Variants in RALGAPA2 observed in about 807,000 individuals in gnomAD.
RALGAPA2 encodes ral GTPase-activating protein subunit alpha-2.
Under a neutral mutation model 230.4 loss-of-function variants are expected in RALGAPA2, and 139 were observed. The observed-to-expected ratio is 0.60, with a 90% CI of 0.53 to 0.69. The LOEUF is 0.69. RALGAPA2 is among the 30% of genes least tolerant of loss of function. The pLI is 0.00. For missense variants in RALGAPA2, 2,163 were observed against 2,276.0 expected (o/e 0.95, Z 1.01); for synonymous variants, 847 against 837.8 (o/e 1.01, Z -0.19).
chr20:20,446,959 G>A (rs2060878736), intron 37 of RALGAPA2, among the ~76,000 whole-genome samples: 1 of 152,234 alleles, frequency 6.6e-6, no homozygotes, highest in Non-Finnish European at 1.5e-5. Flanking sequence ...CATTTGTCAT[G>A]AAGTCAAACC....
At position 20,389,783 on chromosome 20, in the gene RALGAPA2, A is replaced by C. The variant is rs780751035; in HGVS notation, c.*3506T>G. 1 of 152,090 alleles carries C rather than the reference A, an allele frequency of 6.6e-6. No individual in the cohort carries two copies. Among genetic ancestry groups the C allele is most frequent in the Non-Finnish European group, 1.5e-5 (1 of 68,002 alleles). 9.4% of individuals were successfully genotyped at this position (152,090 alleles called of 1,614,324 possible). On this transcript the variant is annotated 3_prime_UTR_variant, in exon 40 of 40. Coordinates refer to ENST00000202677, the MANE Select transcript of RALGAPA2 (RefSeq NM_020343.4). ...TGTGTCCTGGTGCACACACGTCTGCAAGGTGTTCCCACCACCTAGGAAGGA... is the reference window on the plus strand; with the variant it reads ...TGTGTCCTGGTGCACACACGTCTGCCAGGTGTTCCCACCACCTAGGAAGGA...
intron 38 of RALGAPA2, among the ~76,000 whole-genome samples, chr20:20,401,375 C>G (rs578021430): frequency 1.3e-5 from 2 of 152,266 alleles, no homozygotes; most frequent in South Asian, 4.1e-4. Flanking sequence ...CCACCAGCAC[C>G]TCTCCTGCTG....
intron 37 of RALGAPA2, among the ~76,000 whole-genome samples, chr20:20,431,356 G>T (rs6046857): frequency 2.0e-4 from 30 of 152,104 alleles, no homozygotes; most frequent in Middle Eastern, 6.8e-3. Context: ...GAGGCTGGAG[G>T]GGGGAGAAGG....
intron 13 of RALGAPA2, among the ~76,000 whole-genome samples, chr20:20,614,026 T>G (rs1403738494): frequency 6.6e-6 from 1 of 152,200 alleles, no homozygotes; most frequent in Non-Finnish European, 1.5e-5. Context: ...GCCACTATAT[T>G]CTCACAGTAG....
intron 34 of RALGAPA2, among the ~76,000 whole-genome samples, chr20:20,503,905 G>A (rs188142571): frequency 1.4e-3 from 217 of 152,262 alleles, no homozygotes; most frequent in Middle Eastern, 3.4e-3. Context: ...AAGATGTTGG[G>A]TCAAAAGGTA....
intron 1 of RALGAPA2, among the ~76,000 whole-genome samples, chr20:20,696,301 G>A (rs1190524560): frequency 1.3e-5 from 2 of 151,940 alleles, no homozygotes; most frequent in African/African-American, 2.4e-5. Flanking sequence ...CTCTTCTCTT[G>A]TCTGCCTCCA....
At chr20:20,631,313 T>C (rs1176467826) in intron 9 of RALGAPA2, among the ~76,000 whole-genome samples, 1 of 152,256 alleles carries the variant, frequency 6.6e-6, no homozygotes. Flanking sequence ...GTGGGCTGAA[T>C]AATGACTTCC....
intron 16 of RALGAPA2, among the ~76,000 whole-genome samples, chr20:20,596,391 T>G (rs1268731578): frequency 6.6e-6 from 1 of 152,200 alleles, no homozygotes; most frequent in East Asian, 1.9e-4. Context: ...TAGCAATCAT[T>G]GATAGGGTAA....
intron 4 of RALGAPA2, among the ~76,000 whole-genome samples, chr20:20,651,652 A>G (rs762007118): frequency 5.9e-5 from 9 of 152,258 alleles, no homozygotes; most frequent in Non-Finnish European, 1.3e-4. Context: ...TACTAGACAC[A>G]TAGTTTCACA....
intron 37 of RALGAPA2, among the ~76,000 whole-genome samples, chr20:20,448,104 T>A (rs1388047972): frequency 6.6e-6 from 1 of 152,192 alleles, no homozygotes. Flanking sequence ...CCTCCCCAGT[T>A]TGGATGGGGG....
At chr20:20,505,360 C>T in intron 34 of RALGAPA2, 51 bp downstream of exon 34, 1 of 1,497,918 alleles carries the variant, frequency 6.7e-7, no homozygotes, top group South Asian at 1.4e-5. Flanking sequence ...AGTTTGGACA[C>T]ATCTTTAAAC....
At chr20:20,546,033 G>C (rs1033920781) in intron 24 of RALGAPA2, among the ~76,000 whole-genome samples, 6 of 152,218 alleles carry the variant, frequency 3.9e-5, no homozygotes, top group African/African-American at 1.4e-4. Context: ...CAGCACCAGT[G>C]CGCTTCAGCC....
chr20:20,496,744 A>T (rs1390989917), intron 35 of RALGAPA2, among the ~76,000 whole-genome samples: 1 of 152,240 alleles, frequency 6.6e-6, no homozygotes, highest in African/African-American at 2.4e-5. Context: ...TTGACCACAA[A>T]AAGAAAATCT....
chr20:20,704,128 C>T (rs1415034761), intron 1 of RALGAPA2, among the ~76,000 whole-genome samples: 1 of 152,076 alleles, frequency 6.6e-6, no homozygotes, highest in Non-Finnish European at 1.5e-5. Flanking sequence ...ACAGAGGGTA[C>T]AGAAGCCATG....
intron 36 of RALGAPA2, among the ~76,000 whole-genome samples, chr20:20,481,854 G>T (rs1303359933): frequency 6.6e-6 from 1 of 152,164 alleles, no homozygotes; most frequent in Non-Finnish European, 1.5e-5. Context: ...GGGCAGTGTT[G>T]TCTGCCCTGT....
intron 36 of RALGAPA2, among the ~76,000 whole-genome samples, chr20:20,490,362 A>G (rs1255310908): frequency 2.0e-5 from 3 of 152,210 alleles, no homozygotes; most frequent in African/African-American, 7.2e-5. Flanking sequence ...TAATGCTAAT[A>G]ACAATAATAA....
At chr20:20,675,316 T>G (rs1472370758) in intron 3 of RALGAPA2, among the ~76,000 whole-genome samples, 1 of 151,972 alleles carries the variant, frequency 6.6e-6, no homozygotes, top group Non-Finnish European at 1.5e-5. Flanking sequence ...GGGCAGGAAG[T>G]TTCCCATATC....
intron 37 of RALGAPA2, among the ~76,000 whole-genome samples, chr20:20,455,414 C>T (rs529645815): frequency 2.6e-5 from 4 of 152,280 alleles, no homozygotes; most frequent in Non-Finnish European, 4.4e-5. Flanking sequence ...GCTGGGGGAT[C>T]GGGCCAAAGG....
At chr20:20,711,382 G>A (rs1190258459) in intron 1 of RALGAPA2, among the ~76,000 whole-genome samples, 23 of 152,138 alleles carry the variant, frequency 1.5e-4, no homozygotes, top group Admixed American at 1.4e-3. Flanking sequence ...AGAAACATAA[G>A]GTGTTCTTTC....
Sources: allele counts gnomAD v4.1 joint callset (sites outside exome capture counted in the v4.1 genomes callset), GRCh38; gene constraint gnomAD v4.1.1; transcripts MANE v1.5; gene names NCBI Gene and HGNC (gene_info 2026-07-23, HGNC 2026-07-21).